Variants in CSMD1 observed in about 807,000 individuals in gnomAD.
The protein encoded by CSMD1 is CUB and Sushi multiple domains 1.
In CSMD1, 213 loss-of-function variants were observed where a neutral mutation model predicts 417.5. The observed-to-expected ratio is 0.51, with a 90% CI of 0.46 to 0.57. The LOEUF is 0.57. Among genes scored for constraint, CSMD1 ranks in the 20% least tolerant of loss-of-function variants. CSMD1 has a pLI of 0.00. For synonymous variants in CSMD1, 2,862 were observed against 1,736.8 expected (o/e 1.65, Z -16.11); for missense variants, 6,923 against 4,529.7 (o/e 1.53, Z -15.17).
At chr8:3,472,505 G>C (rs936874530) in intron 11 of CSMD1, among the ~76,000 whole-genome samples, 1 of 152,018 alleles carries the variant, frequency 6.6e-6, no homozygotes, top group African/African-American at 2.4e-5. Context: ...ACTCCAACTT[G>C]AGATCAATCC....
intron 1 of CSMD1, among the ~76,000 whole-genome samples, chr8:4,679,162 C>G (rs1805879535): frequency 1.3e-5 from 2 of 152,152 alleles, no homozygotes; most frequent in Admixed American, 6.5e-5. Context: ...AGATCAACCA[C>G]AACGCAAGTT....
chr8:4,306,174 C>T (rs925481554), intron 3 of CSMD1, among the ~76,000 whole-genome samples: 5 of 152,138 alleles, frequency 3.3e-5, no homozygotes, highest in African/African-American at 1.2e-4. Flanking sequence ...TTAAAACACG[C>T]TGAAGTTGTC....
intron 18 of CSMD1, among the ~76,000 whole-genome samples, chr8:3,378,274 A>G (rs181365681): frequency 2.6e-5 from 4 of 152,346 alleles, no homozygotes; most frequent in Non-Finnish European, 5.9e-5. Context: ...ACCAACTAAA[A>G]GAAGCCCAGG....
chr8:3,273,454 G>T (rs1374811777), intron 26 of CSMD1, among the ~76,000 whole-genome samples: 2 of 151,050 alleles, frequency 1.3e-5, no homozygotes, highest in African/African-American at 4.9e-5. Context: ...CATAAAATGA[G>T]TTAGGGAGGA....
At chr8:4,069,007 T>C (rs775933774) in intron 3 of CSMD1, among the ~76,000 whole-genome samples, 1 of 152,224 alleles carries the variant, frequency 6.6e-6, no homozygotes, top group South Asian at 2.1e-4. Flanking sequence ...GATAACCCAG[T>C]AGTTGATTTT....
At chr8:4,272,426 C>T (rs1804662136) in intron 3 of CSMD1, among the ~76,000 whole-genome samples, 2 of 152,090 alleles carry the variant, frequency 1.3e-5, no homozygotes, top group African/African-American at 4.8e-5. Flanking sequence ...ATATATCATA[C>T]TACATAGGAA....
chr8:3,546,159 T>A (rs1014777523), intron 10 of CSMD1, among the ~76,000 whole-genome samples: 1 of 150,838 alleles, frequency 6.6e-6, no homozygotes, highest in Non-Finnish European at 1.5e-5. Flanking sequence ...GGTCATCATG[T>A]ATTTGTTTGT....
intron 2 of CSMD1, among the ~76,000 whole-genome samples, chr8:4,455,375 C>A (rs989812076): frequency 3.3e-5 from 5 of 152,108 alleles, no homozygotes; most frequent in African/African-American, 1.2e-4. Flanking sequence ...GAAAACTGGT[C>A]ATCAACTCAG....
intron 3 of CSMD1, among the ~76,000 whole-genome samples, chr8:4,220,643 C>G (rs772342438): frequency 3.9e-5 from 6 of 152,050 alleles, no homozygotes; most frequent in Non-Finnish European, 8.8e-5. Context: ...GAGGTGGAAT[C>G]AACACAATTT....
intron 49 of CSMD1, among the ~76,000 whole-genome samples, chr8:3,060,085 T>A (rs1212347433): frequency 6.6e-6 from 1 of 152,118 alleles, no homozygotes; most frequent in Non-Finnish European, 1.5e-5. Context: ...TTTCTATGCC[T>A]TATTCAAATT....
intron 1 of CSMD1, among the ~76,000 whole-genome samples, chr8:4,894,604 A>T (rs1011915754): frequency 6.6e-6 from 1 of 152,004 alleles, no homozygotes; most frequent in Admixed American, 6.5e-5. Flanking sequence ...TGAATGAAAT[A>T]ATATTCTATC....
chr8:3,509,219 A>G (rs951383065), intron 10 of CSMD1, among the ~76,000 whole-genome samples: 3 of 152,214 alleles, frequency 2.0e-5, no homozygotes, highest in African/African-American at 4.8e-5. Context: ...TAGAGAAACA[A>G]TATTATCTGG....
At chr8:4,908,413 A>G (rs1805440490) in intron 1 of CSMD1, among the ~76,000 whole-genome samples, 1 of 152,078 alleles carries the variant, frequency 6.6e-6, no homozygotes, top group African/African-American at 2.4e-5. Flanking sequence ...AATTTTGGAA[A>G]GCTCCCAGTA....
At chr8:4,961,914 T>G (rs574516521) in intron 1 of CSMD1, among the ~76,000 whole-genome samples, 167 of 152,138 alleles carry the variant, frequency 1.1e-3, no homozygotes, top group African/African-American at 3.9e-3. Context: ...TTTTCCAATC[T>G]ATTATTTTAT....
chr8:3,433,960 C>G (rs1814389972), intron 12 of CSMD1, among the ~76,000 whole-genome samples: 1 of 152,140 alleles, frequency 6.6e-6, no homozygotes, highest in Admixed American at 6.5e-5. Flanking sequence ...GCAAGACTCC[C>G]CTCTGGAAGT....
At chr8:3,808,279 T>C (rs1039025615) in intron 5 of CSMD1, among the ~76,000 whole-genome samples, 1 of 152,184 alleles carries the variant, frequency 6.6e-6, no homozygotes, top group Non-Finnish European at 1.5e-5. Flanking sequence ...TATAAAGATT[T>C]TTTTCATTGT....
intron 26 of CSMD1, among the ~76,000 whole-genome samples, chr8:3,262,539 GAAAAA>G (rs776200645): frequency 3.5e-5 from 5 of 142,064 alleles, no homozygotes; most frequent in African/African-American, 1.0e-4. Context: ...CGGGCCAAAT[GAAAAA>G]AAAAAGAAAA....
chr8:4,298,993 C>A (rs983730741), intron 3 of CSMD1, among the ~76,000 whole-genome samples: 1 of 151,858 alleles, frequency 6.6e-6, no homozygotes, highest in Non-Finnish European at 1.5e-5. Context: ...CTTTGCAGAT[C>A]TACTGATGTT....
At chr8:3,188,662 T>C (rs186001340) in intron 35 of CSMD1, among the ~76,000 whole-genome samples, 1 of 151,196 alleles carries the variant, frequency 6.6e-6, no homozygotes, top group Admixed American at 6.7e-5. Flanking sequence ...AAAAAATTGA[T>C]TATATTTATT....
Sources: allele counts gnomAD v4.1 joint callset (sites outside exome capture counted in the v4.1 genomes callset), GRCh38; gene constraint gnomAD v4.1.1; transcripts MANE v1.5; gene names NCBI Gene and HGNC (gene_info 2026-07-23, HGNC 2026-07-21).